The following GSTA5 variants were observed in gnomAD, a reference collection of about 807,000 sequenced individuals.
The protein encoded by GSTA5 is glutathione S-transferase alpha 5, also known as glutathione S-transferase A5.
In GSTA5, 25 loss-of-function variants were observed where a neutral mutation model predicts 21.8. The observed-to-expected ratio is 1.14, with a 90% CI of 0.83 to 1.60. The LOEUF (loss-of-function observed/expected upper bound fraction) is 1.60. GSTA5 is among the 40% of genes most tolerant of loss of function. The pLI is 0.00. For synonymous variants in GSTA5, 102 were observed against 89.5 expected, an observed-to-expected ratio of 1.14 and a Z score of -0.78; for missense variants, 330 against 259.2, an observed-to-expected ratio of 1.27 and a Z score of -1.88.
At position 52,836,287 on chromosome 6, in the gene GSTA5, T is replaced by C. The variant is rs146408369; in HGVS notation, c.221A>G (p.Tyr74Cys). The C allele has an allele frequency of 3.8e-3, 6,200 of 1,613,860 alleles. 23 individuals are homozygous for C. The highest frequency in any genetic ancestry group is 4.6e-3 in the Non-Finnish European group (5,472 of 1,179,752). Residue 74 changes from tyrosine to cysteine, a missense_variant, in exon 3 of 6, where the codon TAC becomes TGC. Tyr to Cys is a radical substitution (Grantham distance 194). Coordinates refer to ENST00000370989, the Ensembl canonical transcript of GSTA5. Reference sequence around the variant, plus strand: ...ATAAAGGTTGTATTTGCTGGCAATGTAGTTAAGAATGGCTCTGGTCTGCAC... The same window carrying C: ...ATAAAGGTTGTATTTGCTGGCAATGCAGTTAAGAATGGCTCTGGTCTGCAC...
rs1764237061 is a variant in GSTA5 at position 52,832,910 on chromosome 6, G to A, written c.495C>T (p.Tyr165=). 8.7e-6 allele frequency: 14 copies of A among 1,614,142 alleles called. No individual in the cohort carries two copies. In the East Asian group the frequency reaches 2.7e-4, roughly 31 times the overall value. Residue 165 remains tyrosine (Y), a synonymous_variant, in exon 5 of 6, where the codon TAC becomes TAT. Coordinates refer to ENST00000370989, the Ensembl canonical transcript of GSTA5. ...GACTCGAGTCAAGCTCTTCCACGTA[G>A]TAGAAAAGTTCCACCAGGTGAATGT...
At chr6:52,832,838 C>G (rs1359441650) in intron 5 of GSTA5, 21 bp downstream of exon 5, 11 of 1,613,446 alleles carry the variant, frequency 6.8e-6, no homozygotes, top group Non-Finnish European at 9.3e-6. Flanking sequence ...GGCTGTCTCT[C>G]TGGGCTGTGA....
chr6:52,834,358 T>A, intron 3 of GSTA5, 76 bp from the exon 4 acceptor site: 1 of 1,457,706 alleles, frequency 6.9e-7, no homozygotes, highest in East Asian at 2.3e-5. Flanking sequence ...CCTAAGAAAA[T>A]AGAGGGTCAG....
intron 4 of GSTA5, among the ~76,000 whole-genome samples, chr6:52,833,919 T>A (rs1357305746): frequency 1.3e-5 from 2 of 152,200 alleles, no homozygotes; most frequent in Admixed American, 6.5e-5. Context: ...AATGTTGGGG[T>A]CTGTAAATTA....
intron 3 of GSTA5, 61 bp from the exon 4 acceptor site, chr6:52,834,343 A>G (rs1156812577): frequency 6.5e-7 from 1 of 1,528,806 alleles, no homozygotes; most frequent in Non-Finnish European, 8.8e-7. Context: ...ATAGGTTTAT[A>G]AAAACCTAAG....
At chr6:52,839,067 G>A (rs1403635191) in intron 1 of GSTA5, among the ~76,000 whole-genome samples, 1 of 152,164 alleles carries the variant, frequency 6.6e-6, no homozygotes, top group Non-Finnish European at 1.5e-5. Context: ...GGATCTAGAG[G>A]TCATGGGGGT....
chr6:52,845,644 T>C (rs1764443601), upstream of GSTA5, among the ~76,000 whole-genome samples: 1 of 152,226 alleles, frequency 6.6e-6, no homozygotes, highest in Non-Finnish European at 1.5e-5. Flanking sequence ...AACCTTAGTT[T>C]TGAATTTTCA....
upstream of GSTA5, among the ~76,000 whole-genome samples, chr6:52,841,390 G>A (rs528308026): frequency 2.2e-3 from 341 of 152,330 alleles, 2 homozygotes; most frequent in Middle Eastern, 0.024. Flanking sequence ...TGAACTGGTT[G>A]TGAAACCAGA....
chr6:52,840,533 T>C (rs943114467), intron 1 of GSTA5, among the ~76,000 whole-genome samples, 194 bp downstream of exon 1: 1 of 152,264 alleles, frequency 6.6e-6, no homozygotes, highest in African/African-American at 2.4e-5. Context: ...AATTGTATTT[T>C]AATATGTATG....
chr6:52,838,208 C>T (rs1009651285), intron 1 of GSTA5, among the ~76,000 whole-genome samples: 5 of 152,174 alleles, frequency 3.3e-5, no homozygotes, highest in Admixed American at 2.0e-4. Flanking sequence ...TAGAGTCCCA[C>T]ACTAACATTA....
chr6:52,833,868 G>A (rs1426929812), intron 4 of GSTA5, among the ~76,000 whole-genome samples: 1 of 152,162 alleles, frequency 6.6e-6, no homozygotes, highest in Non-Finnish European at 1.5e-5. Flanking sequence ...CACAGCCCAC[G>A]TTCTACTTAT....
exon 4 of GSTA5, chr6:52,834,250 A>C: frequency 6.2e-7 from 1 of 1,614,022 alleles, no homozygotes; most frequent in Non-Finnish European, 8.5e-7. Flanking sequence ...CATTTCAGTC[A>C]AATCTACTAT....
chr6:52,838,355 C>T (rs1482714529), intron 1 of GSTA5, among the ~76,000 whole-genome samples: 1 of 152,188 alleles, frequency 6.6e-6, no homozygotes, highest in Non-Finnish European at 1.5e-5. Flanking sequence ...AATGGGTATA[C>T]TTACGGCACC....
intron 1 of GSTA5, among the ~76,000 whole-genome samples, 192 bp downstream of exon 1, chr6:52,840,535 A>G (rs1243813842): frequency 2.0e-5 from 3 of 152,190 alleles, no homozygotes; most frequent in African/African-American, 7.2e-5. Context: ...TTGTATTTTA[A>G]TATGTATGCT....
At chr6:52,834,694 G>T (rs1309915660) in intron 3 of GSTA5, among the ~76,000 whole-genome samples, 1 of 152,100 alleles carries the variant, frequency 6.6e-6, no homozygotes, top group Non-Finnish European at 1.5e-5. Flanking sequence ...CCAAAGAGCT[G>T]CCCTCTAAGT....
Position 52,832,588 on chromosome 6 carries a change from G to C in GSTA5, c.546+271C>G, listed in dbSNP as rs148708020. 7.2e-5 allele frequency among the ~76,000 whole-genome samples: 11 copies of C among 152,334 alleles called. No individual in the cohort carries two copies. In the East Asian group the frequency reaches 1.9e-3, roughly 27 times the overall value. On this transcript the variant is annotated intron_variant, in intron 5 of 5. Transcript: ENST00000370989. ...CAGGAACAGAAACCACATTGAAATA[G>C]AGGGATGGGAAGAGCTGCTGGGCAC...
chr6:52,842,212 AT>A (rs1179302834), upstream of GSTA5, among the ~76,000 whole-genome samples: 1 of 152,112 alleles, frequency 6.6e-6, no homozygotes, highest in African/African-American at 2.4e-5. Flanking sequence ...GATGCAACTA[AT>A]TGTATCATGA....
At chr6:52,833,488 G>C (rs1180289959) in intron 4 of GSTA5, among the ~76,000 whole-genome samples, 4 of 152,070 alleles carry the variant, frequency 2.6e-5, no homozygotes, top group East Asian at 1.9e-4. Flanking sequence ...CTATCTCCCT[G>C]GGTTCTGAAG....
chr6:52,836,114 G>A lies in GSTA5; in HGVS notation c.272+122C>T, dbSNP rs551995316. 676 of 1,038,990 alleles carry A rather than the reference G, an allele frequency of 6.5e-4. 5 individuals are homozygous for A. In the South Asian group the frequency reaches 8.8e-3, roughly 14 times the overall value. The allele number at this position is 1,038,990 out of a possible 1,614,324, so 64.4% of individuals were successfully genotyped here. On this transcript the variant is annotated intron_variant, in intron 3 of 5. Coordinates refer to ENST00000370989, the Ensembl canonical transcript of GSTA5. ...GGACTCTGCAATACTGGACCTCAGC[G>A]TGCATCCTCAAGACCCAGCCTGCTG...
Sources: allele counts gnomAD v4.1 joint callset (sites outside exome capture counted in the v4.1 genomes callset), GRCh38; gene constraint gnomAD v4.1.1; transcripts MANE v1.5; gene names NCBI Gene and HGNC (gene_info 2026-07-23, HGNC 2026-07-21).